The following CENPF variants were observed in gnomAD, a reference collection of about 807,000 sequenced individuals.
CENPF encodes the protein centromere protein F.
A neutral mutation model predicts 307.3 loss-of-function variants in CENPF; 214 were observed. The ratio of observed to expected loss-of-function variants is 0.70; its 90% CI spans 0.62 to 0.78. CENPF has a LOEUF of 0.78. CENPF is among the 30% of genes least tolerant of loss of function. CENPF has a pLI of 0.00. For synonymous variants in CENPF, 1,259 were observed against 1,270.6 expected (o/e 0.99, Z 0.19); for missense variants, 3,401 against 3,483.9 (o/e 0.98, Z 0.60).
Position 214,643,108 on chromosome 1 carries a change from T to C in CENPF, c.4770T>C (p.Ser1590=). 6.2e-7 allele frequency: 1 copy of C among 1,603,926 alleles called. No homozygotes were observed. Among genetic ancestry groups the C allele is most frequent in the African/African-American group, 1.4e-5 (1 of 73,886 alleles). The change falls in exon 12 of 20, where the codon TCT becomes TCC. Residue 1590 remains serine, a synonymous_variant. Coordinates refer to ENST00000366955, the MANE Select transcript of CENPF (RefSeq NM_016343.4). The part of the protein sequence containing the change: ...EIQELEQLLS[S]ERQELDCLRK... ...AAGAGCTCGAGCAGTTATTAAGTTC[T>C]GAAAGGCAAGAGCTTGACTGCCTTA...
At chr1:214,610,567 T>C (rs1657171157) in intron 1 of CENPF, among the ~76,000 whole-genome samples, 1 of 152,122 alleles carries the variant, frequency 6.6e-6, no homozygotes, top group Non-Finnish European at 1.5e-5. Context: ...TTAAGTTCCT[T>C]ATAGATGCTG....
Position 214,655,418 on chromosome 1 carries a change from G to A in CENPF, c.8485+15G>A, listed in dbSNP as rs746871269. ...GCAGAAAACAGGTGGGTGTTAACTG[G>A]GGCACATCAACTAGCCAGAACTCTT... On this transcript the variant is annotated intron_variant, in intron 17 of 19. Coordinates refer to ENST00000366955, the MANE Select transcript of CENPF (RefSeq NM_016343.4). The A allele has an allele frequency of 6.4e-7, 1 of 1,561,298 alleles. No individual in the cohort carries two copies. Among genetic ancestry groups the A allele is most frequent in the Non-Finnish European group, 8.6e-7 (1 of 1,156,674 alleles).
chr1:214,622,507 A>G (rs1051102208), intron 7 of CENPF, among the ~76,000 whole-genome samples: 7 of 152,230 alleles, frequency 4.6e-5, no homozygotes, highest in Admixed American at 4.6e-4. Context: ...CAAGTCACTG[A>G]TCTCTTTTAT....
Position 214,659,385 on chromosome 1 carries a change from C to T in CENPF, c.9141+357C>T, listed in dbSNP as rs1215770675. On this transcript the variant is annotated intron_variant, in intron 19 of 19. Transcript: ENST00000366955. The surrounding 1 kb of genome is among the most constrained non-coding windows in gnomAD (Gnocchi z 4.4). The stretch of plus-strand genomic sequence containing the variant: ...TAGTCATTGTTTGTTTCAAACTTTA[C>T]TCTCACTTATCTGCCCCCAGCTGCT... 6.6e-6 allele frequency among the ~76,000 whole-genome samples: 1 copy of T among 151,902 alleles called. No homozygotes were observed. The highest frequency in any genetic ancestry group is 1.5e-5 in the Non-Finnish European group (1 of 67,978).
chr1:214,647,996 A>G (rs1432359660), intron 13 of CENPF: 6 of 499,570 alleles, frequency 1.2e-5, no homozygotes, highest in African/African-American at 5.8e-5. Flanking sequence ...TCTGCCATCA[A>G]GAGGCTCAAT....
Position 214,641,596 on chromosome 1 carries a change from A to C in CENPF, c.3258A>C (p.Leu1086Phe). ...EAFAKEHQEF[L>F]TKLAFAEERN... ...TTGCAAAGGAACACCAAGAATTCTT[A>C]ACAAAATTAGCATTTGCTGAAGAAA... Residue 1086 changes from leucine to phenylalanine, a missense_variant, in exon 12 of 20, where the codon TTA (leucine) becomes TTC (phenylalanine). Coordinates refer to ENST00000366955, the MANE Select transcript of CENPF (RefSeq NM_016343.4). 1 of 1,549,210 alleles carries C rather than the reference A, an allele frequency of 6.5e-7. No individual in the cohort carries two copies. Among genetic ancestry groups the C allele is most frequent in the Non-Finnish European group, 8.7e-7 (1 of 1,154,346 alleles).
intron 3 of CENPF, among the ~76,000 whole-genome samples, chr1:214,616,985 CCT>C (rs1356417390): frequency 7.5e-6 from 1 of 134,052 alleles, no homozygotes; most frequent in Admixed American, 7.5e-5. Context: ...TCCCTCCCTC[CCT>C]CTCTCTCTTT....
chr1:214,614,184 G>A (rs12734998), intron 2 of CENPF, among the ~76,000 whole-genome samples: 1 of 144,066 alleles, frequency 6.9e-6, no homozygotes, highest in Non-Finnish European at 1.5e-5. Context: ...CTGCTTACCT[G>A]CTAATATTTA....
rs780293552 is a variant in CENPF, at chr1:214,618,672, A to G, written c.459A>G (p.Leu153=). The G allele has an allele frequency of 1.2e-6, 2 of 1,613,986 alleles. No individual in the cohort carries two copies. The highest frequency in any genetic ancestry group is 4.5e-5 in the East Asian group (2 of 44,872). ...NTPQKIFTTP[L]TPSQYYSGSK... Reference sequence around the variant, plus strand: ...CACAAAAAATTTTTACAACTCCACTAACACCAAGTCAATATTATAGTGGTA... The same window carrying G: ...CACAAAAAATTTTTACAACTCCACTGACACCAAGTCAATATTATAGTGGTA... Residue 153 remains leucine (L), a synonymous_variant, in exon 4 of 20, where the codon CTA becomes CTG. Coordinates refer to ENST00000366955, the MANE Select transcript of CENPF (RefSeq NM_016343.4).
At chr1:214,619,100 G>T (rs1478854089) in intron 4 of CENPF, 29 bp from the exon 5 acceptor site, 1 of 1,138,734 alleles carries the variant, frequency 8.8e-7, no homozygotes. Context: ...ATGACTGAAA[G>T]AAAACTGTAT....
At chr1:214,610,456 TC>T (rs1657167282) in intron 1 of CENPF, among the ~76,000 whole-genome samples, 1 of 152,164 alleles carries the variant, frequency 6.6e-6, no homozygotes, top group Non-Finnish European at 1.5e-5. Flanking sequence ...GAGCTTTTTT[TC>T]ATATGCTTGT....
intron 16 of CENPF, 25 bp downstream of exon 16, chr1:214,653,014 T>C: frequency 6.4e-7 from 1 of 1,573,324 alleles, no homozygotes; most frequent in South Asian, 1.1e-5. Flanking sequence ...ATTTGCTTCA[T>C]GATTTCGAAT....
In CENPF at chr1:214,614,994, A is replaced by G; in HGVS notation, c.325A>G (p.Lys109Glu). 1 of 1,603,568 alleles carries G rather than the reference A, an allele frequency of 6.2e-7. No homozygotes were observed. Among genetic ancestry groups the G allele is most frequent in the Non-Finnish European group, 8.5e-7 (1 of 1,176,924 alleles). Residue 109 changes from lysine (K) to glutamate (E), a missense_variant, in exon 3 of 20, where the codon AAA becomes GAA. Lys to Glu is a moderately conservative substitution (Grantham distance 56). Coordinates refer to ENST00000366955, the MANE Select transcript of CENPF (RefSeq NM_016343.4). ...GGAAGGACAACTGAATTCAGGCAAAAAACAAATAGAAAAACTGGAACAGGA... is the reference window on the plus strand; with the variant it reads ...GGAAGGACAACTGAATTCAGGCAAAGAACAAATAGAAAAACTGGAACAGGA... ...FQEGQLNSGK[K>E]QIEKLEQELK...
intron 17 of CENPF, among the ~76,000 whole-genome samples, chr1:214,656,426 C>T (rs1161105498): frequency 1.3e-5 from 2 of 152,090 alleles, no homozygotes; most frequent in Non-Finnish European, 2.9e-5. Flanking sequence ...TATAGTGTTC[C>T]CCCAAACCCT....
In CENPF at chr1:214,664,555, G is replaced by A. The variant is rs1658869497; in HGVS notation, c.*761G>A. 3 of 152,086 alleles carry A rather than the reference G, an allele frequency of 2.0e-5. No homozygotes were observed. Among genetic ancestry groups the A allele is most frequent in the African/African-American group, 7.2e-5 (3 of 41,394 alleles). The allele number at this position is 152,086 out of a possible 1,614,324, so 9.4% of individuals were successfully genotyped here. A position where few individuals can be genotyped will look rare whatever the true frequency, so the allele number is the denominator to read the frequency against. On this transcript the variant is annotated 3_prime_UTR_variant, in exon 20 of 20. Transcript: ENST00000366955. ...GCCTTTGTTTTCTAATAAAATAGTC[G>A]CCTTCGTTTTCTGTAAGAATGATTC...
chr1:214,622,403 T>C, intron 7 of CENPF, 122 bp downstream of exon 7: 1 of 838,676 alleles, frequency 1.2e-6, no homozygotes, highest in Non-Finnish European at 1.8e-6. Flanking sequence ...ATATATTAGG[T>C]ACTCTTGATG....
intron 5 of CENPF, among the ~76,000 whole-genome samples, chr1:214,619,713 A>C (rs1174463554): frequency 1.3e-5 from 2 of 152,188 alleles, no homozygotes; most frequent in East Asian, 3.9e-4. Context: ...AGATGGCACA[A>C]TTCAGCAAGC....
In CENPF at chr1:214,618,852, A is replaced by AC. The variant is rs578131699; in HGVS notation, c.481+158_481+159insC. 6.9e-4 allele frequency among the ~76,000 whole-genome samples: 105 copies of AC among 152,342 alleles called. 1 individual carries two copies. Among genetic ancestry groups the AC allele is most frequent in the Middle Eastern group, 3.4e-3 (1 of 294 alleles). On this transcript the variant is annotated intron_variant, in intron 4 of 19. Coordinates refer to ENST00000366955, the MANE Select transcript of CENPF (RefSeq NM_016343.4). ...ACATATCCATTTGCATATCTGTTGA[A>AC]TTATGTTGAGCTACTGGATTGAGCT...
intron 1 of CENPF, chr1:214,605,921 T>C: frequency 6.3e-7 from 1 of 1,597,342 alleles, no homozygotes; most frequent in Non-Finnish European, 8.5e-7. Context: ...GTCGAAGCAG[T>C]AGGTCTTCTT....
Sources: allele counts gnomAD v4.1 joint callset (sites outside exome capture counted in the v4.1 genomes callset), GRCh38; gene constraint gnomAD v4.1.1; non-coding constraint Gnocchi (gnomAD v3.1); transcripts MANE v1.5; gene names NCBI Gene and HGNC (gene_info 2026-07-23, HGNC 2026-07-21).